Variants in DLGAP2 observed in about 807,000 individuals in gnomAD.
DLGAP2 encodes the protein DLG associated protein 2.
Under a neutral mutation model 100.3 loss-of-function variants are expected in DLGAP2, and 26 were observed. That is an observed-to-expected ratio of 0.26 (90% CI 0.19 to 0.36). The LOEUF is 0.36. Among genes scored for constraint, DLGAP2 ranks in the 10% least tolerant of loss-of-function variants. DLGAP2 has a pLI of 1.00. For synonymous variants in DLGAP2, 886 were observed against 630.1 expected, an observed-to-expected ratio of 1.41 and a Z score of -6.08; for missense variants, 1,858 against 1,453.2, an observed-to-expected ratio of 1.28 and a Z score of -4.53.
chr8:1,285,469 C>T (rs1799902599), intron 3 of DLGAP2, among the ~76,000 whole-genome samples: 1 of 152,066 alleles, frequency 6.6e-6, no homozygotes, highest in African/African-American at 2.4e-5. Flanking sequence ...AGAGCCTGTC[C>T]TGGAGATGAT....
intron 2 of DLGAP2, among the ~76,000 whole-genome samples, chr8:1,228,378 C>T (rs774080704): frequency 8.5e-5 from 13 of 152,176 alleles, no homozygotes; most frequent in Non-Finnish European, 1.5e-4. Flanking sequence ...TTCTGCCAAA[C>T]ATTTAAAGGA....
intron 1 of DLGAP2, among the ~76,000 whole-genome samples, chr8:776,050 G>C (rs1369789335): frequency 6.6e-6 from 1 of 152,170 alleles, no homozygotes; most frequent in Admixed American, 6.5e-5. Context: ...TCTATTCAGA[G>C]ATTCAGCTTC....
chr8:1,039,193 C>T (rs1018231227), intron 2 of DLGAP2, among the ~76,000 whole-genome samples: 55 of 143,430 alleles, frequency 3.8e-4, no homozygotes, highest in Non-Finnish European at 6.8e-4. Flanking sequence ...GCTCGGTTTC[C>T]GTGGTCAGCT....
At chr8:1,483,695 G>GGGAGGCAGGTGCAGGAGGTGGGGACCAA (rs1304763363) in intron 3 of DLGAP2, among the ~76,000 whole-genome samples, 1 of 151,682 alleles carries the variant, frequency 6.6e-6, no homozygotes, top group African/African-American at 2.4e-5. Flanking sequence ...GTGGGGACCA[G>GGGAGGCAGGTGCAGGAGGTGGGGACCAA]GGAGGCAGGT....
At chr8:899,585 C>G (rs1473599715) in intron 1 of DLGAP2, among the ~76,000 whole-genome samples, 1 of 152,110 alleles carries the variant, frequency 6.6e-6, no homozygotes, top group Non-Finnish European at 1.5e-5. Context: ...AGAAGGGAGG[C>G]CAGAGATAGA....
intron 4 of DLGAP2, among the ~76,000 whole-genome samples, chr8:1,511,754 A>G (rs1375235164): frequency 6.6e-6 from 1 of 152,130 alleles, no homozygotes; most frequent in Admixed American, 6.5e-5. Context: ...ACCATCTTCC[A>G]TGGACGTAAG....
At chr8:1,553,697 C>T (rs1563217784) in intron 5 of DLGAP2, among the ~76,000 whole-genome samples, 1 of 152,172 alleles carries the variant, frequency 6.6e-6, no homozygotes, top group Non-Finnish European at 1.5e-5. Flanking sequence ...TGAGTACTGA[C>T]CTTTCCTTGC....
At chr8:1,519,730 G>C (rs2130410849) in intron 4 of DLGAP2, among the ~76,000 whole-genome samples, 1 of 152,378 alleles carries the variant, frequency 6.6e-6, no homozygotes, top group South Asian at 2.1e-4. Context: ...CCTGTAAGAA[G>C]CCAGCCTGCG....
intron 1 of DLGAP2, among the ~76,000 whole-genome samples, chr8:802,107 C>CGGCCTGGGGA (rs1796174907): frequency 7.3e-6 from 1 of 136,262 alleles, no homozygotes; most frequent in Non-Finnish European, 1.6e-5. Flanking sequence ...GAATGGTCCA[C>CGGCCTGGGGA]ACACCTCCTG....
chr8:1,280,180 C>T (rs144317859), intron 3 of DLGAP2, among the ~76,000 whole-genome samples: 1 of 152,094 alleles, frequency 6.6e-6, no homozygotes, highest in African/African-American at 2.4e-5. Context: ...TTTTCATTAG[C>T]TGGTTTGGAT....
chr8:1,383,103 T>C (rs970289245), intron 3 of DLGAP2, among the ~76,000 whole-genome samples: 3 of 152,274 alleles, frequency 2.0e-5, no homozygotes, highest in Non-Finnish European at 2.9e-5. Flanking sequence ...GGCAGTGCCA[T>C]ATCTATGTTG....
At chr8:1,073,488 T>G (rs1803497483) in intron 2 of DLGAP2, among the ~76,000 whole-genome samples, 1 of 152,230 alleles carries the variant, frequency 6.6e-6, no homozygotes, top group Non-Finnish European at 1.5e-5. Flanking sequence ...TACTTGCTCC[T>G]GAGCTCAGAA....
intron 1 of DLGAP2, chr8:739,401 G>C (rs993142827): frequency 6.6e-6 from 1 of 152,236 alleles, no homozygotes; most frequent in African/African-American, 2.4e-5. Context: ...CCGGTACCTC[G>C]GCGTAGCCCG....
At chr8:1,133,366 A>G (rs1796337872) in intron 2 of DLGAP2, among the ~76,000 whole-genome samples, 1 of 152,210 alleles carries the variant, frequency 6.6e-6, no homozygotes, top group South Asian at 2.1e-4. Context: ...ATCTTTCTGT[A>G]AAACCAGGAA....
Position 883,813 on chromosome 8 carries a change from CT to C in DLGAP2, c.19-24098del, listed in dbSNP as rs1797867858. 2.0e-5 allele frequency among the ~76,000 whole-genome samples: 3 copies of C among 152,214 alleles called. No individual in the cohort carries two copies. The South Asian group carries it at 6.2e-4, about 32-fold the overall frequency. On this transcript the variant is annotated intron_variant, in intron 1 of 14. Transcript: ENST00000637795. ...CCCACTCCCTAACTCGCAACAGGCC[CT>C]GGTGTGTGTTGTTCCCCTCTCTGTG... is the stretch of plus-strand genomic sequence containing the variant.
intron 3 of DLGAP2, among the ~76,000 whole-genome samples, chr8:1,482,699 C>T (rs546093130): frequency 2.0e-4 from 30 of 152,338 alleles, no homozygotes; most frequent in African/African-American, 5.5e-4. Flanking sequence ...CGGCCAGCCT[C>T]ACCTGACCTG....
intron 3 of DLGAP2, among the ~76,000 whole-genome samples, chr8:1,340,684 A>G (rs1404026308): frequency 1.3e-5 from 2 of 152,210 alleles, no homozygotes; most frequent in Non-Finnish European, 2.9e-5. Context: ...TTCCTTGGAG[A>G]CCTAAAGACA....
intron 2 of DLGAP2, among the ~76,000 whole-genome samples, chr8:997,845 C>T (rs1009263383): frequency 6.7e-6 from 1 of 149,028 alleles, no homozygotes; most frequent in Middle Eastern, 3.2e-3. Context: ...TACACGTGTG[C>T]ATACATACAC....
chr8:984,354 G>A (rs1013051845), intron 2 of DLGAP2, among the ~76,000 whole-genome samples: 12 of 152,098 alleles, frequency 7.9e-5, no homozygotes, highest in Non-Finnish European at 1.6e-4. Flanking sequence ...TTTTTGCTCA[G>A]TCCATAAAAA....
Sources: gnomAD v4.1 joint callset for allele counts (sites outside exome capture counted in the v4.1 genomes callset) on GRCh38, gnomAD v4.1.1 for gene constraint, MANE v1.5 for transcripts, NCBI Gene and HGNC (gene_info 2026-07-23, HGNC 2026-07-21) for gene names.